ADAM17: variants seen among roughly 807,000 people sequenced by gnomAD.
ADAM17 encodes the protein ADAM metallopeptidase domain 17, also known as disintegrin and metalloproteinase domain-containing protein 17.
A neutral mutation model predicts 96.7 loss-of-function variants in ADAM17; 39 were observed. The observed-to-expected ratio is 0.40, with a 90% CI of 0.31 to 0.53. The LOEUF (loss-of-function observed/expected upper bound fraction) is 0.53. Ranked by LOEUF, ADAM17 falls within the 20% of genes least tolerant of loss-of-function variation. The probability of loss-of-function intolerance (pLI) is 0.44; values close to 1 mark genes in which losing one functional copy is unlikely to be tolerated. For missense variants in ADAM17, 777 were observed against 1,013.2 expected (o/e 0.77, Z 3.17); for synonymous variants, 344 against 359.2 (o/e 0.96, Z 0.48).
rs10063 is a variant in ADAM17 at position 9,489,602 on chromosome 2, T to C, written c.*575A>G. Reference sequence around the variant, plus strand: ...TTATGAAGAGCCATATTAACCCAAATGATTTCTAAATTTAGATATATATTT... The same window carrying C: ...TTATGAAGAGCCATATTAACCCAAACGATTTCTAAATTTAGATATATATTT... On this transcript the variant is annotated 3_prime_UTR_variant, in exon 19 of 19. Transcript: ENST00000310823. The C allele has an allele frequency of 0.19, 28,161 of 152,056 alleles. 2,733 individuals are homozygous for C. The highest frequency in any genetic ancestry group is 0.29 in the Middle Eastern group (86 of 294). 9.4% of individuals were successfully genotyped at this position (152,056 alleles called of 1,614,324 possible).
chr2:9,538,956 T>C (rs1665095206), intron 2 of ADAM17, among the ~76,000 whole-genome samples: 1 of 152,220 alleles, frequency 6.6e-6, no homozygotes, highest in African/African-American at 2.4e-5. Context: ...TTCATTTCTT[T>C]ATCAGTTCTA....
At chr2:9,490,957 G>GTAA (rs1662089159) in intron 18 of ADAM17, 144 bp downstream of exon 18, 2 of 686,078 alleles carry the variant, frequency 2.9e-6, no homozygotes. Context: ...TGTCAGAAGG[G>GTAA]TAAACATTCC....
At position 9,518,367 on chromosome 2, in the gene ADAM17, A is replaced by G. The variant is rs911012239; in HGVS notation, c.958-120T>C. On this transcript the variant is annotated intron_variant, in intron 8 of 18. Transcript: ENST00000310823. ...CCAGAACAGAACTATGATGGCATGC[A>G]GCTCAGCACCAGCAATCACAACCTC... 3.6e-5 allele frequency: 44 copies of G among 1,219,420 alleles called. No homozygotes were observed. The African/African-American group carries it at 5.7e-4, about 16-fold the overall frequency. The allele number at this position is 1,219,420 out of a possible 1,614,324, so 75.5% of individuals were successfully genotyped here.
intron 10 of ADAM17, among the ~76,000 whole-genome samples, chr2:9,515,687 T>A (rs1664016629): frequency 7.0e-6 from 1 of 142,906 alleles, no homozygotes; most frequent in East Asian, 2.0e-4. Context: ...TGAGCCGAGA[T>A]GGCGCCATTG....
intron 4 of ADAM17, among the ~76,000 whole-genome samples, chr2:9,528,994 T>TA (rs1664634024): frequency 6.6e-6 from 1 of 152,070 alleles, no homozygotes; most frequent in Non-Finnish European, 1.5e-5. Flanking sequence ...TAAATATAGC[T>TA]AAAAAGTGGA....
At chr2:9,551,738 C>T (rs1048784746) in intron 1 of ADAM17, among the ~76,000 whole-genome samples, 1 of 152,188 alleles carries the variant, frequency 6.6e-6, no homozygotes, top group Admixed American at 6.5e-5. Flanking sequence ...GGATTACAGG[C>T]ATGAGCCACC....
intron 2 of ADAM17, among the ~76,000 whole-genome samples, chr2:9,539,912 A>G (rs1202220161): frequency 6.6e-6 from 1 of 152,220 alleles, no homozygotes. Context: ...GAAATAACCT[A>G]TTTTAAAACA....
intron 1 of ADAM17, among the ~76,000 whole-genome samples, chr2:9,554,064 GA>G (rs979017699): frequency 6.3e-4 from 92 of 146,288 alleles, no homozygotes; most frequent in African/African-American, 2.0e-3. Flanking sequence ...CTCTGTCTTG[GA>G]AAAAAAAAAT....
chr2:9,536,698 C>T lies in ADAM17; in HGVS notation c.361G>A (p.Gly121Ser). ...GCAAACCAACAAGCTCCATACTAAC[C>T]AACCACGTGTCCAGTGAAGAAGTCC... is the stretch of plus-strand genomic sequence containing the variant. ...WQDFFTGHVV[G>S]EPDSRVLAHI... The change falls in exon 3 of 19, where the codon GGT (glycine) becomes AGT (serine). Residue 121 changes from glycine (G) to serine (S), a missense_variant and splice_region_variant. Gly to Ser is a moderately conservative substitution (Grantham distance 56, BLOSUM62 0). Coordinates refer to ENST00000310823, the MANE Select transcript of ADAM17 (RefSeq NM_003183.6). 1 of 1,613,884 alleles carries T rather than the reference C, an allele frequency of 6.2e-7. No individual in the cohort carries two copies. The highest frequency in any genetic ancestry group is 8.5e-7 in the Non-Finnish European group (1 of 1,179,908).
At chr2:9,518,303 C>T (rs1664158554) in intron 8 of ADAM17, 56 bp from the exon 9 acceptor site, 13 of 1,423,236 alleles carry the variant, frequency 9.1e-6, no homozygotes, top group South Asian at 1.5e-5. Flanking sequence ...TTAACAATTA[C>T]ATCAGACTAA....
At chr2:9,517,625 T>C (rs1664113031) in intron 10 of ADAM17, among the ~76,000 whole-genome samples, 1 of 152,090 alleles carries the variant, frequency 6.6e-6, no homozygotes, top group South Asian at 2.1e-4. Flanking sequence ...GACAGGGAGC[T>C]CTAAGAGTTG....
intron 10 of ADAM17, 21 bp from the exon 11 acceptor site, chr2:9,510,152 A>G: frequency 6.2e-7 from 1 of 1,613,634 alleles, no homozygotes; most frequent in Non-Finnish European, 8.5e-7. Context: ...ATGCAAAGAA[A>G]ACATTATTTC....
At chr2:9,521,405 G>A (rs1437659080) in intron 7 of ADAM17, 89 bp from the exon 8 acceptor site, 15 of 936,116 alleles carry the variant, frequency 1.6e-5, no homozygotes, top group East Asian at 2.7e-5. Context: ...TTCAAAAAAA[G>A]AATCGTTCTA....
At chr2:9,497,301 T>G in intron 13 of ADAM17, 53 bp from the exon 14 acceptor site, 5 of 1,604,458 alleles carry the variant, frequency 3.1e-6, no homozygotes, top group Non-Finnish European at 4.3e-6. Context: ...GTCCACCAGT[T>G]CTACAGGTGC....
At chr2:9,531,236 G>A (rs1261920153) in intron 4 of ADAM17, among the ~76,000 whole-genome samples, 1 of 151,798 alleles carries the variant, frequency 6.6e-6, no homozygotes, top group African/African-American at 2.4e-5. Flanking sequence ...GGGATGACAG[G>A]CATGAGCCAC....
intron 1 of ADAM17, among the ~76,000 whole-genome samples, chr2:9,543,498 TA>T: frequency 6.6e-6 from 1 of 152,222 alleles, no homozygotes; most frequent in Non-Finnish European, 1.5e-5. Context: ...TGAGTCTCTT[TA>T]AAAACTGTCT....
intron 2 of ADAM17, among the ~76,000 whole-genome samples, chr2:9,537,202 G>C (rs1558522217): frequency 6.6e-6 from 1 of 152,098 alleles, no homozygotes; most frequent in Non-Finnish European, 1.5e-5. Flanking sequence ...ACCATTTATT[G>C]AACACCTACT....
At position 9,522,319 on chromosome 2, in the gene ADAM17, T is replaced by C. The variant is rs891665645; in HGVS notation, c.843+930A>G. On this transcript the variant is annotated intron_variant, in intron 7 of 18. Coordinates refer to ENST00000310823, the MANE Select transcript of ADAM17 (RefSeq NM_003183.6). ...CATACGACATCTCTAGAAAGATACA[T>C]ATGAAACTAGTGACATGAATGTCTT... The C allele has an allele frequency of 3.9e-5, 20 of 515,082 alleles. No homozygotes were observed. The Admixed American group carries it at 4.3e-4, about 11-fold the overall frequency. 31.9% of individuals were successfully genotyped at this position (515,082 alleles called of 1,614,324 possible). A position where few individuals can be genotyped will look rare whatever the true frequency, so the allele number is the denominator to read the frequency against.
chr2:9,549,085 G>A (rs1210400221), intron 1 of ADAM17, among the ~76,000 whole-genome samples: 2 of 152,160 alleles, frequency 1.3e-5, no homozygotes, highest in Non-Finnish European at 2.9e-5. Flanking sequence ...AAAAAATTAT[G>A]TATATGGCAG....
Sources: gnomAD v4.1 joint callset for allele counts (sites outside exome capture counted in the v4.1 genomes callset) on GRCh38, gnomAD v4.1.1 for gene constraint, MANE v1.5 for transcripts, NCBI Gene and HGNC (gene_info 2026-07-23, HGNC 2026-07-21) for gene names.